Variants in HIVEP3 observed in about 807,000 individuals in gnomAD.
HIVEP3 encodes the protein HIVEP zinc finger 3, also known as transcription factor HIVEP3.
In HIVEP3, 49 loss-of-function variants were observed where a neutral mutation model predicts 152.8. The ratio of observed to expected loss-of-function variants is 0.32; its 90% confidence interval spans 0.26 to 0.41. The LOEUF is 0.41. HIVEP3 is among the 10% of genes least tolerant of loss of function. HIVEP3 has a pLI of 1.00. For synonymous variants in HIVEP3, 1,269 were observed against 1,289.0 expected, an observed-to-expected ratio of 0.98 and a Z score of 0.33; for missense variants, 2,790 against 3,103.3, an observed-to-expected ratio of 0.90 and a Z score of 2.40.
intron 6 of HIVEP3, 128 bp downstream of exon 6, chr1:41,524,607 A>C: frequency 1.2e-6 from 1 of 860,194 alleles, no homozygotes; most frequent in Non-Finnish European, 1.9e-6. Context: ...GCTGGGTGGG[A>C]ACCCAGGAAA....
At chr1:41,643,349 T>A (rs1049678934) in intron 2 of HIVEP3, among the ~76,000 whole-genome samples, 1 of 152,228 alleles carries the variant, frequency 6.6e-6, no homozygotes, top group Non-Finnish European at 1.5e-5. Flanking sequence ...TTTATTCCCC[T>A]GCACACGGGT....
At chr1:41,792,563 C>T (rs1246433203) in intron 1 of HIVEP3, among the ~76,000 whole-genome samples, 1 of 152,152 alleles carries the variant, frequency 6.6e-6, no homozygotes, top group East Asian at 1.9e-4. Flanking sequence ...TCTTAGCTGC[C>T]ACCATCCTGA....
intron 2 of HIVEP3, among the ~76,000 whole-genome samples, chr1:41,653,980 A>C (rs1433113295): frequency 4.0e-5 from 6 of 150,168 alleles, no homozygotes; most frequent in East Asian, 1.9e-4. Flanking sequence ...AAAAAAAAAA[A>C]AACCAGATTA....
At chr1:41,709,444 T>C (rs1646480853) in intron 1 of HIVEP3, among the ~76,000 whole-genome samples, 1 of 152,020 alleles carries the variant, frequency 6.6e-6, no homozygotes, top group Non-Finnish European at 1.5e-5. Flanking sequence ...CTGTGGTGGA[T>C]CCAAGCAGGG....
chr1:41,977,189 A>T (rs1202524786), intron 1 of HIVEP3, among the ~76,000 whole-genome samples: 2 of 152,092 alleles, frequency 1.3e-5, no homozygotes, highest in Admixed American at 1.3e-4. Flanking sequence ...AGAGGGAGAG[A>T]AACAAGGTAA....
intron 1 of HIVEP3, among the ~76,000 whole-genome samples, chr1:42,033,285 G>A (rs1345524407): frequency 1.3e-5 from 2 of 152,030 alleles, no homozygotes; most frequent in Non-Finnish European, 2.9e-5. Context: ...TCCTGCACAT[G>A]GTTACCCCAC....
intron 1 of HIVEP3, among the ~76,000 whole-genome samples, chr1:41,893,078 G>A (rs766919275): frequency 1.4e-5 from 2 of 147,568 alleles, no homozygotes; most frequent in Non-Finnish European, 3.0e-5. Context: ...AGCCATGTTC[G>A]TGCAACTGCA....
rs1427719673 is a variant in HIVEP3, at chr1:41,873,184, C to A, written c.-801+45229G>T. 6.6e-6 allele frequency among the ~76,000 whole-genome samples: 1 copy of A among 152,204 alleles called. No individual in the cohort carries two copies. The highest frequency in any genetic ancestry group is 2.1e-4 in the South Asian group (1 of 4,832). Reference sequence around the variant, plus strand: ...CCTCCCCTGGTGTTTACTTCACCCACAGGAAAATGGCCACCTTCACCCCAC... The same window carrying A: ...CCTCCCCTGGTGTTTACTTCACCCAAAGGAAAATGGCCACCTTCACCCCAC... On this transcript the variant is annotated intron_variant, in intron 1 of 8. Transcript: ENST00000372583. The surrounding 1 kb of genome is among the most constrained non-coding windows in gnomAD (Gnocchi z 4.2).
At chr1:41,525,695 C>A (rs533799013) in intron 5 of HIVEP3, among the ~76,000 whole-genome samples, 11 of 152,222 alleles carry the variant, frequency 7.2e-5, no homozygotes, top group Admixed American at 4.6e-4. Context: ...GTGCCACCAG[C>A]TTTCAGAAGC....
At chr1:41,716,822 C>T (rs710244) in intron 1 of HIVEP3, among the ~76,000 whole-genome samples, 1,990 of 152,246 alleles carry the variant, frequency 0.013, 33 homozygotes, top group African/African-American at 0.045. Context: ...GAGATGTGAA[C>T]GAAGCCGGTT....
chr1:41,691,926 C>T (rs1223457905), intron 2 of HIVEP3, among the ~76,000 whole-genome samples: 1 of 149,772 alleles, frequency 6.7e-6, no homozygotes. Context: ...GTATCTGTAA[C>T]CTCCGCCTCC....
At chr1:41,900,413 TG>T (rs1416427449) in intron 1 of HIVEP3, among the ~76,000 whole-genome samples, 1 of 152,172 alleles carries the variant, frequency 6.6e-6, no homozygotes, top group Non-Finnish European at 1.5e-5. Flanking sequence ...AATCCTCCCT[TG>T]GGGGTAGAGT....
chr1:41,804,149 C>T lies in HIVEP3; in HGVS notation c.-800-103154G>A, dbSNP rs1358356394. On this transcript the variant is annotated intron_variant, in intron 1 of 8. Transcript: ENST00000372583. ...ACATAAATAACTGAGCAAACAGCTC[C>T]TACTTACTCTGTAAAACCCACTTCG... 3.3e-5 allele frequency among the ~76,000 whole-genome samples: 5 copies of T among 152,160 alleles called. No homozygotes were observed. In the East Asian group the frequency reaches 9.6e-4, roughly 29 times the overall value.
chr1:41,715,107 C>T (rs1646571769), intron 1 of HIVEP3, among the ~76,000 whole-genome samples: 1 of 152,186 alleles, frequency 6.6e-6, no homozygotes, highest in East Asian at 1.9e-4. Flanking sequence ...CCCCCACTGC[C>T]TGGGCTGCTT....
At chr1:41,899,282 G>T (rs897362529) in intron 1 of HIVEP3, among the ~76,000 whole-genome samples, 51 of 152,190 alleles carry the variant, frequency 3.4e-4, no homozygotes, top group African/African-American at 1.2e-3. Flanking sequence ...AGTGTCTCTT[G>T]TCTATTTAAT....
In HIVEP3 at chr1:41,753,324, T is replaced by G. The variant is rs1462068068; in HGVS notation, c.-800-52329A>C. On this transcript the variant is annotated intron_variant, in intron 1 of 8. Transcript: ENST00000372583. ...AATAATCATGACTGTGTATGAGTAATTCACTCCAAGGATATTCATGTTAGC... is the reference window on the plus strand; with the variant it reads ...AATAATCATGACTGTGTATGAGTAAGTCACTCCAAGGATATTCATGTTAGC... 2.0e-5 allele frequency among the ~76,000 whole-genome samples: 3 copies of G among 152,346 alleles called. No homozygotes were observed. The South Asian group carries it at 6.2e-4, about 32-fold the overall frequency.
chr1:41,622,998 A>C (rs1037326130), intron 3 of HIVEP3, among the ~76,000 whole-genome samples: 1 of 152,238 alleles, frequency 6.6e-6, no homozygotes, highest in Admixed American at 6.5e-5. Context: ...AGAGAAGTGA[A>C]GTCATTTGCC....
At chr1:41,969,507 G>A (rs1645217489) in intron 1 of HIVEP3, among the ~76,000 whole-genome samples, 1 of 152,130 alleles carries the variant, frequency 6.6e-6, no homozygotes, top group South Asian at 2.1e-4. Context: ...CTAGTCATAT[G>A]AAGAAAATTG....
intron 3 of HIVEP3, among the ~76,000 whole-genome samples, chr1:41,613,040 A>G (rs1570105515): frequency 6.6e-6 from 1 of 152,236 alleles, no homozygotes; most frequent in East Asian, 1.9e-4. Flanking sequence ...GGACCTGGAC[A>G]GGGCAGAGGA....
Sources: allele counts gnomAD v4.1 joint callset (sites outside exome capture counted in the v4.1 genomes callset), GRCh38; gene constraint gnomAD v4.1.1; non-coding constraint Gnocchi (gnomAD v3.1); transcripts MANE v1.5; gene names NCBI Gene and HGNC (gene_info 2026-07-23, HGNC 2026-07-21).